Variants in MAP3K7CL observed in about 807,000 individuals in gnomAD.
MAP3K7CL encodes MAP3K7 C-terminal like, also known as MAP3K7 C-terminal-like protein.
Under a neutral mutation model 18.6 loss-of-function variants are expected in MAP3K7CL, and 16 were observed. The ratio of observed to expected loss-of-function variants is 0.86; its 90% CI spans 0.58 to 1.31. MAP3K7CL has a LOEUF of 1.31. MAP3K7CL is among the 50% of genes most tolerant of loss of function. The pLI is 0.00. For missense variants in MAP3K7CL, 163 were observed against 174.4 expected (o/e 0.93, Z 0.37); for synonymous variants, 65 against 66.8 (o/e 0.97, Z 0.13).
chr21:29,092,422 C>T, intron 3 of MAP3K7CL: 1 of 1,613,712 alleles, frequency 6.2e-7, no homozygotes, highest in South Asian at 1.1e-5. Flanking sequence ...TTTGATTTGG[C>T]CTTGATCTTT....
chr21:29,101,748 A>G (rs538714433), intron 4 of MAP3K7CL, among the ~76,000 whole-genome samples: 86 of 152,298 alleles, frequency 5.6e-4, no homozygotes, highest in African/African-American at 2.0e-3. Flanking sequence ...GATGATATAA[A>G]ACAATAGTAT....
intron 2 of MAP3K7CL, among the ~76,000 whole-genome samples, chr21:29,148,534 C>T (rs528882332): frequency 6.6e-6 from 1 of 152,280 alleles, no homozygotes; most frequent in South Asian, 2.1e-4. Context: ...AACCAGTCAA[C>T]GTAAGCATGA....
chr21:29,080,385 C>G (rs1267446996), intron 1 of MAP3K7CL, among the ~76,000 whole-genome samples: 1 of 152,254 alleles, frequency 6.6e-6, no homozygotes, highest in Non-Finnish European at 1.5e-5. Flanking sequence ...TTTGGCATTT[C>G]TGCCATAAGC....
At chr21:29,114,138 G>A (rs905008729) in intron 4 of MAP3K7CL, among the ~76,000 whole-genome samples, 2 of 151,550 alleles carry the variant, frequency 1.3e-5, no homozygotes, top group African/African-American at 4.9e-5. Flanking sequence ...GCGCAATCTC[G>A]GCTCTTTGCA....
intron 1 of MAP3K7CL, among the ~76,000 whole-genome samples, chr21:29,080,216 C>A (rs1279611345): frequency 6.6e-6 from 1 of 152,192 alleles, no homozygotes; most frequent in African/African-American, 2.4e-5. Context: ...GCTAGACTGG[C>A]ACACATGGGG....
chr21:29,118,882 G>T (rs560776283), intron 4 of MAP3K7CL, among the ~76,000 whole-genome samples: 5 of 152,238 alleles, frequency 3.3e-5, no homozygotes, highest in African/African-American at 9.6e-5. Flanking sequence ...GAGTCAAATA[G>T]TTCTGCAAGA....
intron 4 of MAP3K7CL, among the ~76,000 whole-genome samples, chr21:29,101,745 T>C (rs2086234382): frequency 6.6e-6 from 1 of 152,168 alleles, no homozygotes; most frequent in African/African-American, 2.4e-5. Flanking sequence ...GATGATGATA[T>C]AAAACAATAG....
intron 3 of MAP3K7CL, among the ~76,000 whole-genome samples, chr21:29,156,785 C>A (rs2087414982): frequency 6.6e-6 from 1 of 152,188 alleles, no homozygotes; most frequent in African/African-American, 2.4e-5. Context: ...CCTGCTGGGA[C>A]AAGAACCATA....
At chr21:29,092,315 C>G in intron 3 of MAP3K7CL, 1 of 894,666 alleles carries the variant, frequency 1.1e-6, no homozygotes, top group East Asian at 2.9e-5. Context: ...CATTAACAAC[C>G]CTCTCTAAAG....
intron 4 of MAP3K7CL, among the ~76,000 whole-genome samples, chr21:29,101,820 TTATTTA>T (rs2086235870): frequency 6.6e-6 from 1 of 152,154 alleles, no homozygotes; most frequent in South Asian, 2.1e-4. Context: ...ATATATATAT[TTATTTA>T]TAAGTTAACA....
chr21:29,084,277 T>G (rs1027547627), upstream of MAP3K7CL, among the ~76,000 whole-genome samples: 1 of 152,094 alleles, frequency 6.6e-6, no homozygotes, highest in African/African-American at 2.4e-5. Context: ...TGAGACCTTC[T>G]TACATTACTA....
chr21:29,159,434 C>T (rs1012899788), intron 3 of MAP3K7CL, among the ~76,000 whole-genome samples: 1 of 152,154 alleles, frequency 6.6e-6, no homozygotes, highest in Admixed American at 6.5e-5. Context: ...TTATTTCTGG[C>T]TCAGCATCTT....
intron 2 of MAP3K7CL, among the ~76,000 whole-genome samples, chr21:29,137,595 A>G (rs1343611892): frequency 6.6e-6 from 1 of 152,192 alleles, no homozygotes; most frequent in African/African-American, 2.4e-5. Flanking sequence ...CTAAACAGAA[A>G]GCAGGAGCAA....
intron 2 of MAP3K7CL, among the ~76,000 whole-genome samples, chr21:29,139,608 G>A (rs139915481): frequency 1.3e-3 from 196 of 151,070 alleles, no homozygotes; most frequent in Middle Eastern, 3.4e-3. Context: ...TTTTTGAGAC[G>A]GAGTCTCACT....
intron 4 of MAP3K7CL, among the ~76,000 whole-genome samples, chr21:29,104,117 G>A (rs561417282): frequency 1.3e-5 from 2 of 152,254 alleles, no homozygotes; most frequent in South Asian, 2.1e-4. Flanking sequence ...TGTAGTTTGT[G>A]TGTTTTTTGT....
chr21:29,159,294 G>A (rs1222693561), intron 3 of MAP3K7CL, among the ~76,000 whole-genome samples: 2 of 152,154 alleles, frequency 1.3e-5, no homozygotes, highest in Non-Finnish European at 2.9e-5. Context: ...GGTCAGAAAG[G>A]CTTGCCACGC....
intron 2 of MAP3K7CL, chr21:29,139,260 GTCT>G (rs2086950337): frequency 6.6e-6 from 1 of 152,150 alleles, no homozygotes; most frequent in Non-Finnish European, 1.5e-5. Flanking sequence ...CAGGTGAAGT[GTCT>G]TCTTATTTAT....
rs944283593 is a variant in MAP3K7CL, at chr21:29,095,484, G to A, written c.370+2903G>A. On this transcript the variant is annotated intron_variant, in intron 4 of 6. Coordinates refer to the MAP3K7CL transcript ENST00000286791. ...AGCCGTCCTCTTTTGCCTCTTGCCC[G>A]CACTGTTGTAGAAGAGAATAAAGAC... is the stretch of plus-strand genomic sequence containing the variant. 3.9e-5 allele frequency among the ~76,000 whole-genome samples: 6 copies of A among 152,140 alleles called. No homozygotes were observed. In the South Asian group the frequency reaches 6.2e-4, roughly 16 times the overall value.
intron 4 of MAP3K7CL, among the ~76,000 whole-genome samples, chr21:29,108,741 C>T (rs1402680702): frequency 6.6e-6 from 1 of 152,056 alleles, no homozygotes; most frequent in Non-Finnish European, 1.5e-5. Flanking sequence ...GTTGGGAGTT[C>T]CAATGAGATG....
Sources: allele counts gnomAD v4.1 joint callset (sites outside exome capture counted in the v4.1 genomes callset), GRCh38; gene constraint gnomAD v4.1.1; transcripts MANE v1.5; gene names NCBI Gene and HGNC (gene_info 2026-07-23, HGNC 2026-07-21).